Variants in DBN1 observed in about 807,000 individuals in gnomAD.
The protein encoded by DBN1 is drebrin 1, also known as drebrin.
Under a neutral mutation model 83.5 loss-of-function variants are expected in DBN1, and 21 were observed. The ratio of observed to expected loss-of-function variants is 0.25; its 90% confidence interval spans 0.18 to 0.36. DBN1 has a LOEUF of 0.36. Ranked by LOEUF, DBN1 falls within the 10% of genes least tolerant of loss-of-function variation. The pLI, the probability that DBN1 is intolerant of heterozygous loss-of-function variation, is 1.00. For synonymous variants in DBN1, 381 were observed against 384.9 expected (o/e 0.99, Z 0.12); for missense variants, 874 against 935.7 (o/e 0.93, Z 0.86).
At chr5:177,464,480 C>G (rs1757268584) in intron 8 of DBN1, among the ~76,000 whole-genome samples, 1 of 151,702 alleles carries the variant, frequency 6.6e-6, no homozygotes, top group African/African-American at 2.4e-5. Flanking sequence ...ATAAACTTGG[C>G]TGGGTGAGGT....
At position 177,458,495 on chromosome 5, in the gene DBN1, G is replaced by T. The variant is rs1252421915; in HGVS notation, c.1477C>A (p.His493Asn). ...EPATADATEI[H>N]DAADTIETDT... Reference sequence around the variant, plus strand: ...GTTTCAATGGTGTCAGCTGCATCGTGGATCTCCGTGGCGTCAGCTGTGGCA... The same window carrying T: ...GTTTCAATGGTGTCAGCTGCATCGTTGATCTCCGTGGCGTCAGCTGTGGCA... The change falls in exon 13 of 15, where the codon CAC (histidine) becomes AAC (asparagine). Residue 493 changes from histidine to asparagine, a missense_variant. Coordinates refer to ENST00000393565, the MANE Select transcript of DBN1 (RefSeq NM_001363541.2). 1 of 1,613,766 alleles carries T rather than the reference G, an allele frequency of 6.2e-7. No individual in the cohort carries two copies. The highest frequency in any genetic ancestry group is 2.2e-5 in the East Asian group (1 of 44,882).
intron 8 of DBN1, among the ~76,000 whole-genome samples, chr5:177,465,541 A>G (rs1245823609): frequency 1.3e-5 from 2 of 152,182 alleles, no homozygotes; most frequent in Non-Finnish European, 2.9e-5. Flanking sequence ...GAAATGGTAC[A>G]TTTTATGTAT....
At chr5:177,460,318 C>T in intron 10 of DBN1, 114 bp downstream of exon 10, 1 of 1,493,558 alleles carries the variant, frequency 6.7e-7, no homozygotes, top group Non-Finnish European at 9.2e-7. Flanking sequence ...GATGAAGGGT[C>T]TCGCCTTCTC....
chr5:177,458,190 T>C lies in DBN1; in HGVS notation c.1782A>G (p.Glu594=), dbSNP rs1756700227. 6.2e-7 allele frequency: 1 copy of C among 1,612,686 alleles called. No homozygotes were observed. Among genetic ancestry groups the C allele is most frequent in the East Asian group, 2.2e-5 (1 of 44,862 alleles). Residue 594 remains glutamate, a synonymous_variant, in exon 13 of 15, where the codon GAA becomes GAG. Coordinates refer to ENST00000393565, the MANE Select transcript of DBN1 (RefSeq NM_001363541.2). ...EPPATFCDPE[E]VEGESLAAPQ... ...GGGCAGCCAGGGACTCCCCTTCCACTTCCTCTGGGTCACAGAAGGTGGCTG... is the reference window on the plus strand; with the variant it reads ...GGGCAGCCAGGGACTCCCCTTCCACCTCCTCTGGGTCACAGAAGGTGGCTG...
intron 1 of DBN1, among the ~76,000 whole-genome samples, chr5:177,470,675 C>T (rs1313285969): frequency 6.6e-6 from 1 of 152,220 alleles, no homozygotes; most frequent in Non-Finnish European, 1.5e-5. Flanking sequence ...ACCTGCTCCT[C>T]TACCCCACGC....
Position 177,458,279 on chromosome 5 carries a change from G to C in DBN1, c.1693C>G (p.Pro565Ala). ...VPLLDEVAPE[P>A]LLPAGEGCAT... ...CAGCCTTCGCCTGCTGGCAGCAGTGGCTCCGGAGCCACCTCATCCAGCAGG... is the reference window on the plus strand; with the variant it reads ...CAGCCTTCGCCTGCTGGCAGCAGTGCCTCCGGAGCCACCTCATCCAGCAGG... The change falls in exon 13 of 15, where the codon CCA becomes GCA. Residue 565 changes from proline to alanine, a missense_variant. By Grantham distance (27) the Pro-to-Ala change is conservative (BLOSUM62 -1). Transcript: ENST00000393565. 6.2e-7 allele frequency: 1 copy of C among 1,613,708 alleles called. No individual in the cohort carries two copies. The highest frequency in any genetic ancestry group is 8.5e-7 in the Non-Finnish European group (1 of 1,179,850).
In DBN1 at chr5:177,466,730, C is replaced by T. The variant is rs1239690353; in HGVS notation, c.771+42G>A. 6.2e-7 allele frequency: 1 copy of T among 1,608,852 alleles called. No individual in the cohort carries two copies. Reference sequence around the variant, plus strand: ...CCCAGGAACACAGGGACCATTCTCACTTCCCTGACCCAGAGACCGGGAGCC... The same window carrying T: ...CCCAGGAACACAGGGACCATTCTCATTTCCCTGACCCAGAGACCGGGAGCC... On this transcript the variant is annotated intron_variant, in intron 8 of 14. Coordinates refer to ENST00000393565, the MANE Select transcript of DBN1 (RefSeq NM_001363541.2). The surrounding 1 kb of genome is among the most constrained non-coding windows in gnomAD (Gnocchi z 4.8).
intron 8 of DBN1, among the ~76,000 whole-genome samples, chr5:177,461,503 T>A (rs1427093628): frequency 2.0e-5 from 3 of 152,016 alleles, no homozygotes; most frequent in Non-Finnish European, 2.9e-5. Context: ...GCCCCTCTCT[T>A]CCCTCAGGGC....
chr5:177,467,343 G>A lies in DBN1; in HGVS notation c.478-11C>T, dbSNP rs41275295. The A allele has an allele frequency of 6.6e-3, 10,714 of 1,614,120 alleles. 56 individuals carry two copies. The highest frequency in any genetic ancestry group is 8.5e-3 in the Non-Finnish European group (9,985 of 1,179,974). The stretch of plus-strand genomic sequence containing the variant: ...CTGGTAGGTGGTGCCCTGCAGTGTC[G>A]AAGGACCCAGCATAAGCAGGCTGAA... On this transcript the variant is annotated splice_polypyrimidine_tract_variant and intron_variant, in intron 5 of 14. Coordinates refer to ENST00000393565, the MANE Select transcript of DBN1 (RefSeq NM_001363541.2). This position sits in a 1 kb window ranked among gnomAD's most constrained non-coding sequence, Gnocchi z 9.1.
At chr5:177,461,577 C>G (rs1347231207) in intron 8 of DBN1, among the ~76,000 whole-genome samples, 2 of 152,184 alleles carry the variant, frequency 1.3e-5, no homozygotes, top group African/African-American at 2.4e-5. Flanking sequence ...CTCACTTGCT[C>G]ATCCCCATAT....
chr5:177,467,726 T>G lies in DBN1; in HGVS notation c.330+17A>C. 6.4e-7 allele frequency: 1 copy of G among 1,552,474 alleles called. No homozygotes were observed. The highest frequency in any genetic ancestry group is 8.7e-7 in the Non-Finnish European group (1 of 1,147,904). ...TGGCTGTCCCCACCCCCAAGAGCGCTGGCCCCTGACACGCACCTGGAAGAA... is the reference window on the plus strand; with the variant it reads ...TGGCTGTCCCCACCCCCAAGAGCGCGGGCCCCTGACACGCACCTGGAAGAA... On this transcript the variant is annotated intron_variant, in intron 4 of 14. Transcript: ENST00000393565. The surrounding 1 kb of genome is among the most constrained non-coding windows in gnomAD (Gnocchi z 9.1).
chr5:177,463,098 G>A (rs1257922645), intron 8 of DBN1, among the ~76,000 whole-genome samples: 7 of 151,946 alleles, frequency 4.6e-5, no homozygotes, highest in African/African-American at 1.4e-4. Context: ...GTGCAGTGGC[G>A]AGATCTCGGC....
chr5:177,471,262 G>A (rs1456754983), intron 1 of DBN1, among the ~76,000 whole-genome samples: 2 of 152,074 alleles, frequency 1.3e-5, no homozygotes, highest in East Asian at 3.9e-4. Flanking sequence ...AGTATCCGAG[G>A]TAGTGCTGGG....
chr5:177,462,125 G>A, intron 8 of DBN1: 1 of 726,432 alleles, frequency 1.4e-6, no homozygotes, highest in Non-Finnish European at 1.7e-6. Flanking sequence ...CGTTGTTTTG[G>A]GTGGGCAGCG....
rs1300721792 is a variant in DBN1 at position 177,466,125 on chromosome 5, C to CATCT, written c.771+643_771+646dup. On this transcript the variant is annotated intron_variant, in intron 8 of 14. Coordinates refer to ENST00000393565, the MANE Select transcript of DBN1 (RefSeq NM_001363541.2). This position sits in a 1 kb window ranked among gnomAD's most constrained non-coding sequence, Gnocchi z 4.8. ...GCCCGTTTGAGTCCCCACAGCCATG[C>CATCT]ATCTGCCCATTACAGTCCCAATCCA... Among the ~76,000 whole-genome samples, 3 of 152,196 alleles carry CATCT rather than the reference C, an allele frequency of 2.0e-5. No homozygotes were observed. Among genetic ancestry groups the CATCT allele is most frequent in the African/African-American group, 7.2e-5 (3 of 41,440 alleles).
Position 177,459,189 on chromosome 5 carries a change from G to A in DBN1, c.1173C>T (p.Ser391=). Residue 391 remains serine, a synonymous_variant, in exon 12 of 15, where the codon TCC becomes TCT. Transcript: ENST00000393565. The stretch of plus-strand genomic sequence containing the variant: ...GCTCTATCTGCTCAGCGACAGGGGT[G>A]GAGGCGGTGCTGGAGTCAGACGGGC... ...TRSPSDSSTA[S]TPVAEQIERA... The A allele has an allele frequency of 6.2e-7, 1 of 1,611,826 alleles. No homozygotes were observed. Among genetic ancestry groups the A allele is most frequent in the Non-Finnish European group, 8.5e-7 (1 of 1,179,096 alleles).
intron 8 of DBN1, chr5:177,462,115 CGTT>C: frequency 1.6e-6 from 1 of 622,074 alleles, no homozygotes; most frequent in Non-Finnish European, 2.0e-6. Context: ...CCACTGCACA[CGTT>C]GTTTTGGGTG....
In DBN1 at chr5:177,466,753, G is replaced by A; in HGVS notation, c.771+19C>T. On this transcript the variant is annotated intron_variant, in intron 8 of 14. Transcript: ENST00000393565. The surrounding 1 kb of genome is among the most constrained non-coding windows in gnomAD (Gnocchi z 4.8). ...CACTTCCCTGACCCAGAGACCGGGA[G>A]CCTTGGCAAAGAACTTACAAAGATA... is the stretch of plus-strand genomic sequence containing the variant. 1 of 1,613,772 alleles carries A rather than the reference G, an allele frequency of 6.2e-7. No homozygotes were observed. The highest frequency in any genetic ancestry group is 8.5e-7 in the Non-Finnish European group (1 of 1,179,644).
At chr5:177,457,931 G>A in intron 13 of DBN1, 127 bp downstream of exon 13, 2 of 1,399,594 alleles carry the variant, frequency 1.4e-6, no homozygotes, top group Non-Finnish European at 2.0e-6. Context: ...GGGTGGGATG[G>A]ACTTCCCCTC....
Sources: gnomAD v4.1 joint callset for allele counts (sites outside exome capture counted in the v4.1 genomes callset) on GRCh38, gnomAD v4.1.1 for gene constraint, Gnocchi (gnomAD v3.1) non-coding constraint, MANE v1.5 for transcripts, NCBI Gene and HGNC (gene_info 2026-07-23, HGNC 2026-07-21) for gene names.